Variants in KLF8 observed in about 807,000 individuals in gnomAD.
KLF8 encodes the protein KLF transcription factor 8, also known as Krueppel-like factor 8.
In KLF8, 10 loss-of-function variants were observed where a neutral mutation model predicts 18.2. That is an observed-to-expected ratio of 0.55 (90% confidence interval 0.34 to 0.93). KLF8 has a LOEUF of 0.93. Ranked by LOEUF, KLF8 falls within the 40% of genes least tolerant of loss-of-function variation. The pLI is 0.02. For synonymous variants in KLF8, 109 were observed against 97.3 expected (o/e 1.12, Z -0.71); for missense variants, 264 against 277.9 (o/e 0.95, Z 0.36).
chrX:56,127,880 A>C, the KLF8 span, among the ~76,000 whole-genome samples: 3 of 111,811 alleles, frequency 2.7e-5, no homozygotes, highest in Admixed American at 2.9e-4. Flanking sequence ...AAAAAAACAG[A>C]TAAGGGCCAA....
At chrX:56,226,851 T>C in the KLF8 span, among the ~76,000 whole-genome samples, 2 of 112,201 alleles carry the variant, frequency 1.8e-5, no homozygotes, top group Non-Finnish European at 3.8e-5. Flanking sequence ...GAAGGGAATA[T>C]CCTGTTATTG....
the KLF8 span, among the ~76,000 whole-genome samples, chrX:56,216,699 T>C: frequency 9.0e-6 from 1 of 110,526 alleles, no homozygotes; most frequent in African/African-American, 3.3e-5. Context: ...AGGATCACTA[T>C]AAACTCCTGT....
At chrX:55,934,016 A>G in the KLF8 span, among the ~76,000 whole-genome samples, 1 of 112,136 alleles carries the variant, frequency 8.9e-6, no homozygotes, top group East Asian at 2.8e-4. Flanking sequence ...GTTAAAAAGT[A>G]AAAAACAACA....
At chrX:56,047,406 T>C in the KLF8 span, among the ~76,000 whole-genome samples, 1 of 103,176 alleles carries the variant, frequency 9.7e-6, no homozygotes, top group Non-Finnish European at 2.0e-5. Flanking sequence ...CCTAATGCTA[T>C]CCCTCCCCCC....
chrX:55,931,816 T>C, the KLF8 span, among the ~76,000 whole-genome samples: 3,172 of 111,273 alleles, frequency 0.029, 133 homozygotes, highest in African/African-American at 0.098. Context: ...ATAAGTGCAA[T>C]GTGGTGCTGA....
At chrX:56,031,246 A>C in the KLF8 span, among the ~76,000 whole-genome samples, 4 of 111,997 alleles carry the variant, frequency 3.6e-5, no homozygotes, top group African/African-American at 9.7e-5. Flanking sequence ...AGAACAGGTA[A>C]AGAGGGCACA....
the KLF8 span, among the ~76,000 whole-genome samples, chrX:56,130,395 G>A: frequency 1.6e-4 from 18 of 111,576 alleles, no homozygotes; most frequent in Non-Finnish European, 3.2e-4. Flanking sequence ...AGATCCAGAA[G>A]AGAAATAACA....
rs1329785837 is a variant in KLF8, at chrX:56,250,279, G to T, written c.56G>T (p.Gly19Val). The change falls in exon 2 of 6, where the codon GGT (glycine) becomes GTT (valine). Residue 19 changes from glycine (G) to valine (V), a missense_variant. Transcript: ENST00000468660. Reference protein sequence around the residue: ...NNLEVQLNSEGGSMQVFKQVT... With the variant: ...NNLEVQLNSEVGSMQVFKQVT... Reference sequence around the variant, plus strand: ...TTGGAGGTCCAACTTAATTCAGAAGGTGGCTCAATGCAGGTATTCAAGCAG... The same window carrying T: ...TTGGAGGTCCAACTTAATTCAGAAGTTGGCTCAATGCAGGTATTCAAGCAG... 1 of 1,206,262 alleles carries T rather than the reference G, an allele frequency of 8.3e-7. No individual in the cohort carries two copies.
At chrX:56,131,660 G>A in the KLF8 span, among the ~76,000 whole-genome samples, 1 of 111,501 alleles carries the variant, frequency 9.0e-6, no homozygotes, top group African/African-American at 3.3e-5. Flanking sequence ...AATGTAAATG[G>A]CCTAAATGCT....
At chrX:56,130,529 G>A in the KLF8 span, among the ~76,000 whole-genome samples, 59 of 111,505 alleles carry the variant, frequency 5.3e-4, no homozygotes, top group African/African-American at 1.9e-3. Flanking sequence ...TCTTCGCTCT[G>A]ACATAGCCTA....
the KLF8 span, among the ~76,000 whole-genome samples, chrX:55,952,382 A>G: frequency 8.9e-6 from 1 of 112,655 alleles, no homozygotes; most frequent in Non-Finnish European, 1.9e-5. Flanking sequence ...CACATTTATT[A>G]TCTAATAGTT....
the KLF8 span, among the ~76,000 whole-genome samples, chrX:56,013,521 T>A: frequency 9.0e-6 from 1 of 111,716 alleles, no homozygotes. Context: ...ATGATATGGC[T>A]TGGTTTTGTC....
chrX:55,959,101 G>A, the KLF8 span, among the ~76,000 whole-genome samples: 4 of 112,308 alleles, frequency 3.6e-5, no homozygotes, highest in African/African-American at 6.5e-5. Flanking sequence ...GAAAAAAGCT[G>A]TAGGCCAGGT....
At chrX:56,145,047 C>T in the KLF8 span, among the ~76,000 whole-genome samples, 8 of 110,756 alleles carry the variant, frequency 7.2e-5, no homozygotes, top group Non-Finnish European at 1.5e-4. Flanking sequence ...CCCACCTTGA[C>T]ATCCCAAAGT....
chrX:56,135,900 C>T, the KLF8 span, among the ~76,000 whole-genome samples: 2 of 111,127 alleles, frequency 1.8e-5, no homozygotes, highest in Admixed American at 1.9e-4. Flanking sequence ...ATGCCCACAT[C>T]AAAATGTTAG....
At chrX:56,222,411 A>G in the KLF8 span, among the ~76,000 whole-genome samples, 5 of 112,093 alleles carry the variant, frequency 4.5e-5, no homozygotes, top group Non-Finnish European at 9.4e-5. Context: ...TGAGCTAGAC[A>G]CAGGGCGCTG....
chrX:55,962,721 C>G, the KLF8 span, among the ~76,000 whole-genome samples: 2 of 112,501 alleles, frequency 1.8e-5, no homozygotes, highest in African/African-American at 6.5e-5. Context: ...TCTCCCCTGT[C>G]CTTTTATCTC....
chrX:56,083,579 G>A, the KLF8 span, among the ~76,000 whole-genome samples: 14 of 111,654 alleles, frequency 1.3e-4, no homozygotes, highest in South Asian at 5.3e-3. Flanking sequence ...ATTTATTTTT[G>A]TTAGACTATT....
chrX:56,091,789 C>G, the KLF8 span, among the ~76,000 whole-genome samples: 3 of 112,004 alleles, frequency 2.7e-5, no homozygotes, highest in South Asian at 1.1e-3. Flanking sequence ...GCCATCGTGC[C>G]TAGCTGATAT....
Sources: gnomAD v4.1 joint callset for allele counts (sites outside exome capture counted in the v4.1 genomes callset) on GRCh38, gnomAD v4.1.1 for gene constraint, MANE v1.5 for transcripts, NCBI Gene and HGNC (gene_info 2026-07-23, HGNC 2026-07-21) for gene names.